The following TCERG1L variants were observed in gnomAD, a reference collection of about 807,000 sequenced individuals.
TCERG1L encodes the protein transcription elongation regulator 1 like, also known as transcription elongation regulator 1-like protein.
In TCERG1L, 37 loss-of-function variants were observed where a neutral mutation model predicts 56.3. The observed-to-expected ratio is 0.66, with a 90% CI of 0.51 to 0.87. The LOEUF is 0.87. Among genes scored for constraint, TCERG1L ranks in the 40% least tolerant of loss-of-function variants. TCERG1L has a pLI of 0.00. For missense variants in TCERG1L, 799 were observed against 774.2 expected, an observed-to-expected ratio of 1.03 and a Z score of -0.38; for synonymous variants, 324 against 326.3, an observed-to-expected ratio of 0.99 and a Z score of 0.08.
At chr10:131,154,887 T>C (rs146369306) in intron 6 of TCERG1L, among the ~76,000 whole-genome samples, 58 of 152,356 alleles carry the variant, frequency 3.8e-4, no homozygotes, top group Non-Finnish European at 4.9e-4. Flanking sequence ...GCCGCGTGAC[T>C]GTGTGGCCTC....
intron 6 of TCERG1L, chr10:131,161,577 C>G (rs892188846): frequency 6.6e-6 from 1 of 152,162 alleles, no homozygotes; most frequent in South Asian, 2.1e-4. Flanking sequence ...GACTTCAGGA[C>G]CCCTGAGTAG....
intron 4 of TCERG1L, among the ~76,000 whole-genome samples, chr10:131,190,488 T>C (rs1398935995): frequency 6.9e-6 from 1 of 145,830 alleles, no homozygotes; most frequent in East Asian, 1.9e-4. Context: ...TGCAGACCAA[T>C]TTCCCTGATT....
chr10:131,190,332 A>C (rs935922164), intron 4 of TCERG1L, among the ~76,000 whole-genome samples: 3 of 152,224 alleles, frequency 2.0e-5, no homozygotes, highest in African/African-American at 4.8e-5. Flanking sequence ...TCACAGCTGC[A>C]TTCTACCAGA....
At chr10:131,261,920 C>T (rs913413393) in intron 3 of TCERG1L, among the ~76,000 whole-genome samples, 1 of 152,206 alleles carries the variant, frequency 6.6e-6, no homozygotes, top group Non-Finnish European at 1.5e-5. Context: ...CTGCATGAGG[C>T]AAGGCGAGAC....
At chr10:131,272,933 C>T (rs918810929) in intron 3 of TCERG1L, among the ~76,000 whole-genome samples, 6 of 152,316 alleles carry the variant, frequency 3.9e-5, no homozygotes, top group East Asian at 3.9e-4. Context: ...GGTGCCCAGC[C>T]GGGAGCTCTG....
intron 4 of TCERG1L, among the ~76,000 whole-genome samples, chr10:131,220,629 G>C (rs1428576781): frequency 2.0e-5 from 3 of 152,192 alleles, no homozygotes; most frequent in Admixed American, 2.0e-4. Flanking sequence ...AGCTCTCAGA[G>C]CAGGGAGCTG....
chr10:131,309,074 G>A (rs1846848006), intron 2 of TCERG1L, 79 bp downstream of exon 2: 5 of 1,501,846 alleles, frequency 3.3e-6, no homozygotes, highest in African/African-American at 2.8e-5. Context: ...AAATACATGG[G>A]TATTTTTGTT....
chr10:131,109,117 C>T (rs969774796), intron 9 of TCERG1L, among the ~76,000 whole-genome samples: 16 of 152,290 alleles, frequency 1.1e-4, no homozygotes, highest in African/African-American at 3.8e-4. Context: ...CTGCCCAGCA[C>T]GTCCCCGAGA....
At chr10:131,128,585 C>A (rs757310630) in intron 8 of TCERG1L, among the ~76,000 whole-genome samples, 4 of 151,980 alleles carry the variant, frequency 2.6e-5, no homozygotes, top group Admixed American at 6.6e-5. Flanking sequence ...ACTGGGGAAC[C>A]GATGCAGTAT....
chr10:131,201,029 G>A (rs931165888), intron 4 of TCERG1L, among the ~76,000 whole-genome samples: 11 of 152,272 alleles, frequency 7.2e-5, no homozygotes, highest in African/African-American at 2.4e-4. Flanking sequence ...CATCTTGGAC[G>A]TGGAGGGCAG....
chr10:131,281,098 A>G (rs1846446799), intron 3 of TCERG1L, among the ~76,000 whole-genome samples: 1 of 152,206 alleles, frequency 6.6e-6, no homozygotes, highest in South Asian at 2.1e-4. Flanking sequence ...CAATGTTTAT[A>G]TGCCTCTTTC....
At chr10:131,255,607 C>T (rs992206975) in intron 4 of TCERG1L, among the ~76,000 whole-genome samples, 4 of 152,102 alleles carry the variant, frequency 2.6e-5, no homozygotes, top group Non-Finnish European at 5.9e-5. Context: ...CACGCTGTGG[C>T]GTGCATGATA....
chr10:131,239,928 G>C lies in TCERG1L; in HGVS notation c.856+20331C>G, dbSNP rs540098081. On this transcript the variant is annotated intron_variant, in intron 4 of 11. Transcript: ENST00000368642. Reference sequence around the variant, plus strand: ...CTACTGCATCTCAGAATGCAGAGGAGAGCGGTCCTTCTGGGGAGCCACTTT... The same window carrying C: ...CTACTGCATCTCAGAATGCAGAGGACAGCGGTCCTTCTGGGGAGCCACTTT... Among the ~76,000 whole-genome samples, 12 of 152,330 alleles carry C rather than the reference G, an allele frequency of 7.9e-5. No homozygotes were observed. The South Asian group carries it at 2.3e-3, about 29-fold the overall frequency.
Position 131,267,066 on chromosome 10 carries a change from C to A in TCERG1L, c.671-6622G>T, listed in dbSNP as rs537021657. ...CCTGAAGGTGCATCCTCATCTGGAA[C>A]CCACTCCTTCACACCCAGGAGCCCG... is the stretch of plus-strand genomic sequence containing the variant. On this transcript the variant is annotated intron_variant, in intron 3 of 11. Transcript: ENST00000368642. The surrounding 1 kb of genome is among the most constrained non-coding windows in gnomAD (Gnocchi z 4.9). Among the ~76,000 whole-genome samples, 1 of 152,082 alleles carries A rather than the reference C, an allele frequency of 6.6e-6. No homozygotes were observed. The highest frequency in any genetic ancestry group is 6.5e-5 in the Admixed American group (1 of 15,274).
intron 4 of TCERG1L, among the ~76,000 whole-genome samples, chr10:131,180,033 G>A (rs1845153414): frequency 6.6e-6 from 1 of 152,202 alleles, no homozygotes; most frequent in South Asian, 2.1e-4. Context: ...ACCTGAGGGA[G>A]GTCGGGAGAA....
chr10:131,226,656 C>T (rs1718754019), intron 4 of TCERG1L, among the ~76,000 whole-genome samples: 1 of 152,218 alleles, frequency 6.6e-6, no homozygotes, highest in Non-Finnish European at 1.5e-5. Context: ...GAGGGAAACA[C>T]AGCCCCAAAT....
intron 4 of TCERG1L, among the ~76,000 whole-genome samples, chr10:131,215,354 CA>C (rs1258602012): frequency 2.0e-5 from 3 of 152,284 alleles, no homozygotes; most frequent in African/African-American, 7.2e-5. Flanking sequence ...ACTAGGTAAA[CA>C]TATCAACTGC....
At chr10:131,211,188 G>A (rs1310853362) in intron 4 of TCERG1L, among the ~76,000 whole-genome samples, 2 of 152,206 alleles carry the variant, frequency 1.3e-5, no homozygotes, top group Admixed American at 1.3e-4. Flanking sequence ...CTCCCTGCTG[G>A]AGGCACCGTG....
intron 4 of TCERG1L, among the ~76,000 whole-genome samples, chr10:131,173,385 C>T (rs922266157): frequency 7.2e-5 from 11 of 152,176 alleles, no homozygotes; most frequent in African/African-American, 2.7e-4. Context: ...CGGTACTGAG[C>T]TCCTTTGAAA....
Sources: allele counts gnomAD v4.1 joint callset (sites outside exome capture counted in the v4.1 genomes callset), GRCh38; gene constraint gnomAD v4.1.1; non-coding constraint Gnocchi (gnomAD v3.1); transcripts MANE v1.5; gene names NCBI Gene and HGNC (gene_info 2026-07-23, HGNC 2026-07-21).